Variants in ANKRD30A observed in about 807,000 individuals in gnomAD.
The protein encoded by ANKRD30A is ankyrin repeat domain-containing protein 30A.
A neutral mutation model predicts 166.3 loss-of-function variants in ANKRD30A; 170 were observed. The ratio of observed to expected loss-of-function variants is 1.02; its 90% CI spans 0.90 to 1.16. ANKRD30A has a LOEUF of 1.16. Among genes scored for constraint, ANKRD30A ranks in the 50% most tolerant of loss-of-function variants. The pLI is 0.00. For missense variants in ANKRD30A, 1,630 were observed against 1,518.0 expected (o/e 1.07, Z -1.23); for synonymous variants, 564 against 508.9 (o/e 1.11, Z -1.46).
At chr10:37,155,234 T>G (rs1838275910) in intron 13 of ANKRD30A, among the ~76,000 whole-genome samples, 1 of 152,200 alleles carries the variant, frequency 6.6e-6, no homozygotes, top group African/African-American at 2.4e-5. Context: ...TATTGAAAGC[T>G]TATTAAATTT....
chr10:37,155,554 G>A (rs1838306121), intron 13 of ANKRD30A, among the ~76,000 whole-genome samples: 1 of 152,132 alleles, frequency 6.6e-6, no homozygotes, highest in African/African-American at 2.4e-5. Flanking sequence ...TTATTATAAT[G>A]TGTTGCATTA....
In ANKRD30A at chr10:37,197,480, G is replaced by T. The variant is rs757312417; in HGVS notation, c.2716G>T (p.Asp906Tyr). Reference protein sequence around the residue: ...ELKNEQTLRADQMFPSESKQK... With the variant: ...ELKNEQTLRAYQMFPSESKQK... ...GAAGAATGAACAAACATTGAGAGCA[G>T]GTACATTTTTCAATGTAACTATGCG... The change falls in exon 29 of 36, where the codon GAT (aspartate) becomes TAT (tyrosine). Residue 906 changes from aspartate (D) to tyrosine (Y), a missense_variant and splice_region_variant. Coordinates refer to ENST00000361713, the MANE Select transcript of ANKRD30A (RefSeq NM_052997.3). 3 of 1,612,030 alleles carry T rather than the reference G, an allele frequency of 1.9e-6. No homozygotes were observed. The highest frequency in any genetic ancestry group is 1.7e-6 in the Non-Finnish European group (2 of 1,179,632).
At chr10:37,230,268 G>A (rs1326225821) in intron 34 of ANKRD30A, among the ~76,000 whole-genome samples, 2 of 151,930 alleles carry the variant, frequency 1.3e-5, no homozygotes, top group Admixed American at 1.3e-4. Context: ...AGTAAATTAA[G>A]CTCATTAATT....
At chr10:37,198,336 GAC>G (rs1159441308) in intron 29 of ANKRD30A, among the ~76,000 whole-genome samples, 1 of 151,874 alleles carries the variant, frequency 6.6e-6, no homozygotes, top group Non-Finnish European at 1.5e-5. Context: ...ATCCGTATAG[GAC>G]ACAGTTAACT....
At chr10:37,161,502 G>A (rs912154196) in intron 15 of ANKRD30A, among the ~76,000 whole-genome samples, 3 of 151,966 alleles carry the variant, frequency 2.0e-5, no homozygotes, top group African/African-American at 7.3e-5. Flanking sequence ...ATTCTAGGCA[G>A]GTGACAGGGG....
At chr10:37,137,388 G>A (rs1836781567) in intron 6 of ANKRD30A, among the ~76,000 whole-genome samples, 1 of 152,142 alleles carries the variant, frequency 6.6e-6, no homozygotes, top group African/African-American at 2.4e-5. Context: ...CAGGACAGTG[G>A]GTGCAGCGCA....
intron 34 of ANKRD30A, among the ~76,000 whole-genome samples, chr10:37,228,788 A>G (rs1300259302): frequency 6.6e-5 from 10 of 151,672 alleles, no homozygotes; most frequent in Non-Finnish European, 1.5e-4. Flanking sequence ...ATTAATATCA[A>G]CCTCTATTAG....
intron 27 of ANKRD30A, 23 bp from the exon 28 acceptor site, chr10:37,197,258 G>T (rs186073835): frequency 7.2e-7 from 1 of 1,391,002 alleles, no homozygotes; most frequent in Non-Finnish European, 1.0e-6. Flanking sequence ...TATGATTGAT[G>T]ATAAATCTCT....
intron 31 of ANKRD30A, among the ~76,000 whole-genome samples, chr10:37,215,593 C>G (rs1229712925): frequency 6.6e-6 from 1 of 151,496 alleles, no homozygotes; most frequent in Non-Finnish European, 1.5e-5. Flanking sequence ...AAGCAGGAAG[C>G]TGAAACATTC....
chr10:37,208,555 G>C (rs939645599), intron 31 of ANKRD30A, among the ~76,000 whole-genome samples: 3 of 152,120 alleles, frequency 2.0e-5, no homozygotes, highest in Non-Finnish European at 2.9e-5. Flanking sequence ...GGGAAATGAT[G>C]TAGGCTTCTT....
At chr10:37,265,378 G>A in the ANKRD30A span, among the ~76,000 whole-genome samples, 4 of 152,116 alleles carry the variant, frequency 2.6e-5, no homozygotes, top group African/African-American at 9.7e-5. Flanking sequence ...GGGGTTGCCC[G>A]CAGCATTCCT....
At chr10:37,245,522 C>G in the ANKRD30A span, among the ~76,000 whole-genome samples, 1 of 151,930 alleles carries the variant, frequency 6.6e-6, no homozygotes, top group Admixed American at 6.6e-5. Flanking sequence ...ATTTCAATCT[C>G]TATGTAGATA....
chr10:37,128,497 AT>A (rs1836183055), intron 1 of ANKRD30A, among the ~76,000 whole-genome samples: 1 of 151,920 alleles, frequency 6.6e-6, no homozygotes, highest in African/African-American at 2.4e-5. Context: ...TTATATATAG[AT>A]TTATTACATA....
Position 37,192,037 on chromosome 10 carries a change from CAT to C in ANKRD30A, c.2513-1026_2513-1025del, listed in dbSNP as rs375065111. Among the ~76,000 whole-genome samples the C allele has an allele frequency of 8.0e-3, 1,216 of 152,046 alleles. 21 individuals are homozygous for C. Among genetic ancestry groups the C allele is most frequent in the African/African-American group, 0.028 (1,170 of 41,448 alleles). On this transcript the variant is annotated intron_variant, in intron 25 of 35. Coordinates refer to ENST00000361713, the MANE Select transcript of ANKRD30A (RefSeq NM_052997.3). Reference sequence around the variant, plus strand: ...TCTAGTTTTTGATACTTTCACATTACATGTTTTTTCTTTTTTAGAGACAGAGT... The same window carrying C: ...TCTAGTTTTTGATACTTTCACATTACGTTTTTTCTTTTTTAGAGACAGAGT...
chr10:37,197,124 G>A (rs901230197), intron 27 of ANKRD30A, among the ~76,000 whole-genome samples, 157 bp from the exon 28 acceptor site: 3 of 151,980 alleles, frequency 2.0e-5, no homozygotes, highest in East Asian at 1.9e-4. Context: ...CTTGTCGTGT[G>A]TGTGTCCTAA....
intron 6 of ANKRD30A, among the ~76,000 whole-genome samples, chr10:37,140,240 T>G (rs1177121656): frequency 6.6e-6 from 1 of 152,216 alleles, no homozygotes; most frequent in Non-Finnish European, 1.5e-5. Context: ...AATCTGTCTG[T>G]TAGTGGGCTC....
intron 6 of ANKRD30A, among the ~76,000 whole-genome samples, chr10:37,139,208 T>C (rs1836932508): frequency 6.6e-6 from 1 of 152,248 alleles, no homozygotes; most frequent in African/African-American, 2.4e-5. Context: ...TTGAATATTA[T>C]AACCTGCAGG....
At chr10:37,136,249 T>C in intron 5 of ANKRD30A, among the ~76,000 whole-genome samples, 1 of 152,216 alleles carries the variant, frequency 6.6e-6, no homozygotes, top group East Asian at 1.9e-4. Flanking sequence ...AATCCTCATT[T>C]TTAGAAGACA....
intron 25 of ANKRD30A, among the ~76,000 whole-genome samples, chr10:37,190,832 A>G (rs536128001): frequency 1.3e-5 from 2 of 151,898 alleles, no homozygotes; most frequent in East Asian, 1.9e-4. Context: ...ATATATATAT[A>G]TAGATGTATG....
Sources: allele counts gnomAD v4.1 joint callset (sites outside exome capture counted in the v4.1 genomes callset), GRCh38; gene constraint gnomAD v4.1.1; transcripts MANE v1.5; gene names NCBI Gene and HGNC (gene_info 2026-07-23, HGNC 2026-07-21).